Variants in IL18RAP observed in about 807,000 individuals in gnomAD.
IL18RAP encodes the protein interleukin-18 receptor accessory protein.
In IL18RAP, 37 loss-of-function variants were observed where a neutral mutation model predicts 58.1. That is an observed-to-expected ratio of 0.64 (90% CI 0.49 to 0.84). The LOEUF is 0.84. IL18RAP is among the 40% of genes least tolerant of loss of function. IL18RAP has a pLI of 0.00. For missense variants in IL18RAP, 667 were observed against 704.8 expected (o/e 0.95, Z 0.61); for synonymous variants, 268 against 257.5 (o/e 1.04, Z -0.39).
chr2:102,448,673 T>C (rs1351788392), intron 8 of IL18RAP, among the ~76,000 whole-genome samples: 1 of 152,068 alleles, frequency 6.6e-6, no homozygotes, highest in African/African-American at 2.4e-5. Flanking sequence ...AAGACCGGCA[T>C]GGGAGGCTGG....
chr2:102,440,667 G>A (rs1683051186), intron 4 of IL18RAP, among the ~76,000 whole-genome samples: 1 of 152,022 alleles, frequency 6.6e-6, no homozygotes, highest in African/African-American at 2.4e-5. Flanking sequence ...TAAAAATACA[G>A]GACTGAGATG....
intron 8 of IL18RAP, among the ~76,000 whole-genome samples, 188 bp downstream of exon 8, chr2:102,447,395 C>G (rs11465724): frequency 2.0e-5 from 3 of 152,196 alleles, no homozygotes; most frequent in Non-Finnish European, 4.4e-5. Context: ...AATGTCCCCA[C>G]TGGATAAAGT....
upstream of IL18RAP, chr2:102,419,869 TGAG>T (rs1681460788): frequency 6.6e-6 from 1 of 152,204 alleles, no homozygotes; most frequent in African/African-American, 2.4e-5. Flanking sequence ...ATCTGTAATA[TGAG>T]AAAGACAGCA....
intron 3 of IL18RAP, among the ~76,000 whole-genome samples, chr2:102,427,853 C>T (rs1682055797): frequency 6.6e-6 from 1 of 151,932 alleles, no homozygotes; most frequent in Non-Finnish European, 1.5e-5. Context: ...CATTCTTTAA[C>T]CCATTTTGAA....
intron 3 of IL18RAP, among the ~76,000 whole-genome samples, chr2:102,426,170 C>T (rs773643636): frequency 6.6e-6 from 1 of 152,078 alleles, no homozygotes; most frequent in South Asian, 2.1e-4. Flanking sequence ...ACACCTAATG[C>T]CTTTTTCCTT....
rs1162577184 is a variant in IL18RAP, at chr2:102,423,967, G to A, written c.227G>A (p.Ser76Asn). 6.2e-7 allele frequency: 1 copy of A among 1,614,068 alleles called. No individual in the cohort carries two copies. Among genetic ancestry groups the A allele is most frequent in the Admixed American group, 1.7e-5 (1 of 59,990 alleles). ...CCTGAGCACCTGCCCTTCATGGGTA[G>A]TAACGACCTATCTGATGTCCAATGG... The part of the protein sequence containing the change: ...QVPEHLPFMG[S>N]NDLSDVQWYQ... The change falls in exon 2 of 10, where the codon AGT becomes AAT. Residue 76 changes from serine (S) to asparagine (N), a missense_variant. Coordinates refer to ENST00000687160, the MANE Select transcript of IL18RAP (RefSeq NM_001393487.1).
chr2:102,427,791 C>A lies in IL18RAP; in HGVS notation c.579+3377C>A, dbSNP rs561797762. Among the ~76,000 whole-genome samples, 41 of 151,896 alleles carry A rather than the reference C, an allele frequency of 2.7e-4. No individual in the cohort carries two copies. The South Asian group carries it at 8.1e-3, about 30-fold the overall frequency. ...ATTTGCCCATAACAGTGCTGTAGAG[C>A]TTTCCCTCTATGTTTTCTTTTAGAA... On this transcript the variant is annotated intron_variant, in intron 3 of 9. Coordinates refer to ENST00000687160, the MANE Select transcript of IL18RAP (RefSeq NM_001393487.1).
At chr2:102,438,180 G>T (rs1682874913) in intron 4 of IL18RAP, among the ~76,000 whole-genome samples, 1 of 152,104 alleles carries the variant, frequency 6.6e-6, no homozygotes, top group Non-Finnish European at 1.5e-5. Context: ...TTTCCCTTGG[G>T]TCGTTCTTAC....
At position 102,424,199 on chromosome 2, in the gene IL18RAP, T is replaced by C. The variant is rs1410658807; in HGVS notation, c.396-32T>C. On this transcript the variant is annotated intron_variant, in intron 2 of 9. Transcript: ENST00000687160. ...AATCCTCTATTATCTAGACAAAATA[T>C]CTATGTTCACAGGATCTTGTTAATT... The C allele has an allele frequency of 2.5e-6, 4 of 1,610,684 alleles. No homozygotes were observed. The South Asian group carries it at 3.3e-5, about 13-fold the overall frequency.
rs141220224 is a variant in IL18RAP, at chr2:102,443,349, T to G, written c.920+26T>G. 5.2e-5 allele frequency: 83 copies of G among 1,606,862 alleles called. No individual in the cohort carries two copies. The African/African-American group carries it at 5.6e-4, about 11-fold the overall frequency. Reference sequence around the variant, plus strand: ...GTAAGAAAAAAACTCACGGATTCTGTTCTCTGCAATTCAGAAGAGATACTT... The same window carrying G: ...GTAAGAAAAAAACTCACGGATTCTGGTCTCTGCAATTCAGAAGAGATACTT... On this transcript the variant is annotated intron_variant, in intron 6 of 9. Coordinates refer to ENST00000687160, the MANE Select transcript of IL18RAP (RefSeq NM_001393487.1).
At position 102,437,120 on chromosome 2, in the gene IL18RAP, C is replaced by T. The variant is rs1041601759; in HGVS notation, c.580-92C>T. ...TTATCTCAGATTGACCTTCTTCCTCCCTGTTCAAATTTGTAAGATTTTTCT... is the reference window on the plus strand; with the variant it reads ...TTATCTCAGATTGACCTTCTTCCTCTCTGTTCAAATTTGTAAGATTTTTCT... On this transcript the variant is annotated intron_variant, in intron 3 of 9. Coordinates refer to ENST00000687160, the MANE Select transcript of IL18RAP (RefSeq NM_001393487.1). 6.7e-6 allele frequency: 8 copies of T among 1,190,446 alleles called. No individual in the cohort carries two copies. The Middle Eastern group carries it at 7.1e-4, about 106-fold the overall frequency. 73.7% of individuals were successfully genotyped at this position (1,190,446 alleles called of 1,614,324 possible). A position where few individuals can be genotyped will look rare whatever the true frequency, so the allele number is the denominator to read the frequency against.
At chr2:102,446,294 T>A (rs4851585) in intron 7 of IL18RAP, among the ~76,000 whole-genome samples, 39,181 of 152,066 alleles carry the variant, frequency 0.26, 5,344 homozygotes, top group East Asian at 0.4. Flanking sequence ...TGTGATTTTT[T>A]AAAATTTTAT....
intron 4 of IL18RAP, among the ~76,000 whole-genome samples, chr2:102,437,571 G>A (rs945769151): frequency 6.6e-6 from 1 of 152,136 alleles, no homozygotes; most frequent in Non-Finnish European, 1.5e-5. Context: ...CACAAGTTGG[G>A]TTGTCCATGA....
At chr2:102,446,988 T>C (rs981100918) in intron 7 of IL18RAP, 82 bp from the exon 8 acceptor site, 2 of 1,398,194 alleles carry the variant, frequency 1.4e-6, no homozygotes, top group African/African-American at 2.8e-5. Context: ...AGGTGCTGGG[T>C]GGGCCATAGC....
In IL18RAP at chr2:102,447,133, C is replaced by G; in HGVS notation, c.1136C>G (p.Ala379Gly). The G allele has an allele frequency of 6.2e-7, 1 of 1,614,106 alleles. No homozygotes were observed. Among genetic ancestry groups the G allele is most frequent in the Non-Finnish European group, 8.5e-7 (1 of 1,180,008 alleles). Residue 379 changes from alanine (A) to glycine (G), a missense_variant, in exon 8 of 10, where the codon GCC (alanine) becomes GGC (glycine). Transcript: ENST00000687160. ...CTGGTGGCCGTGCTGGCGGCGAGTG[C>G]CCTCCTCTACAGGCACTGGATTGAA... ...GTLVAVLAAS[A>G]LLYRHWIEIV...
intron 3 of IL18RAP, among the ~76,000 whole-genome samples, chr2:102,436,673 C>CAG (rs1485942544): frequency 1.4e-5 from 2 of 140,812 alleles, no homozygotes; most frequent in South Asian, 2.3e-4. Flanking sequence ...CCAGCTTTGT[C>CAG]AGAGAGAGAA....
Position 102,423,231 on chromosome 2 carries a change from G to A in IL18RAP, c.-47G>A. 1 of 1,561,026 alleles carries A rather than the reference G, an allele frequency of 6.4e-7. No homozygotes were observed. The highest frequency in any genetic ancestry group is 8.8e-7 in the Non-Finnish European group (1 of 1,131,770). On this transcript the variant is annotated 5_prime_UTR_variant, in exon 1 of 10. Coordinates refer to ENST00000687160, the MANE Select transcript of IL18RAP (RefSeq NM_001393487.1). Reference sequence around the variant, plus strand: ...CTGAATCTCAAAACACTCTACTCTGGCAAAGGAATGAAGTTATTGGAGTGA... The same window carrying A: ...CTGAATCTCAAAACACTCTACTCTGACAAAGGAATGAAGTTATTGGAGTGA...
chr2:102,439,024 G>A (rs1483987079), intron 4 of IL18RAP: 1 of 152,320 alleles, frequency 6.6e-6, no homozygotes, highest in East Asian at 1.9e-4. Context: ...AAGCAGCAGA[G>A]CTGATGTCCA....
At chr2:102,442,981 T>C (rs1417098467) in intron 5 of IL18RAP, among the ~76,000 whole-genome samples, 3 of 152,206 alleles carry the variant, frequency 2.0e-5, no homozygotes, top group Non-Finnish European at 4.4e-5. Flanking sequence ...TATAGTCATA[T>C]GGTTGAGATA....
Sources: allele counts gnomAD v4.1 joint callset (sites outside exome capture counted in the v4.1 genomes callset), GRCh38; gene constraint gnomAD v4.1.1; transcripts MANE v1.5; gene names NCBI Gene and HGNC (gene_info 2026-07-23, HGNC 2026-07-21).